DNAH6: variants seen among roughly 807,000 people sequenced by gnomAD.
DNAH6 encodes the protein axonemal beta dynein heavy chain 6.
A neutral mutation model predicts 491.4 loss-of-function variants in DNAH6; 340 were observed. The ratio of observed to expected loss-of-function variants is 0.69; its 90% CI spans 0.63 to 0.76. The LOEUF (loss-of-function observed/expected upper bound fraction) is 0.76. DNAH6 is among the 30% of genes least tolerant of loss of function. DNAH6 has a pLI of 0.00. For missense variants in DNAH6, 4,443 were observed against 4,972.2 expected (o/e 0.89, Z 3.20); for synonymous variants, 1,603 against 1,686.1 (o/e 0.95, Z 1.21).
the DNAH6 span, among the ~76,000 whole-genome samples, chr2:84,473,742 T>C: frequency 2.0e-5 from 3 of 152,226 alleles, no homozygotes; most frequent in Admixed American, 6.5e-5. Flanking sequence ...AATAGCACTT[T>C]GTTCTACCTT....
Position 84,625,008 on chromosome 2 carries a change from A to C in DNAH6, c.4460A>C (p.Lys1487Thr), listed in dbSNP as rs1052711401. 1 of 1,551,558 alleles carries C rather than the reference A, an allele frequency of 6.4e-7. No homozygotes were observed. Among genetic ancestry groups the C allele is most frequent in the Non-Finnish European group, 8.7e-7 (1 of 1,146,890 alleles). Residue 1487 changes from lysine (K) to threonine (T), a missense_variant, in exon 29 of 77, where the codon AAA becomes ACA. Coordinates refer to ENST00000389394, the MANE Select transcript of DNAH6 (RefSeq NM_001370.2). ...GKTETTKDLA[K>T]ALAIQCVVFN... ...ACAGAGACTACCAAAGATCTGGCAA[A>C]AGCTCTTGCCATCCAGTGTGTGGTC...
At chr2:84,488,824 C>T in the DNAH6 span, among the ~76,000 whole-genome samples, 3 of 152,148 alleles carry the variant, frequency 2.0e-5, no homozygotes, top group African/African-American at 7.2e-5. Flanking sequence ...ATTCTGTCTA[C>T]CATAGCAGGC....
rs768978981 is a variant in DNAH6 at position 84,706,912 on chromosome 2, C to T, written c.8744C>T (p.Thr2915Ile). ...LRAAQAELDI[T>I]MATLREKQAL... ...TTTTATTAGGCTGAACTTGACATTA[C>T]CATGGCTACCCTGAGAGAAAAGCAA... is the stretch of plus-strand genomic sequence containing the variant. Residue 2915 changes from threonine to isoleucine, a missense_variant, in exon 53 of 77, where the codon ACC becomes ATC. Around this residue, in one of 3 missense-constraint regions of DNAH6, gnomAD observed 1,463 missense variants for 1,656.6 expected, o/e 0.88. Transcript: ENST00000389394. 1 of 1,541,048 alleles carries T rather than the reference C, an allele frequency of 6.5e-7. No individual in the cohort carries two copies. The highest frequency in any genetic ancestry group is 1.2e-5 in the South Asian group (1 of 80,658).
chr2:84,805,908 A>G lies in DNAH6; in HGVS notation c.11611+114A>G, dbSNP rs1192369. ...TTATTATGTAGACTTTTTTTAACCT[A>G]AAGAGCTCTTTTGACATGGAGCTCT... On this transcript the variant is annotated intron_variant, in intron 71 of 76. Coordinates refer to ENST00000389394, the MANE Select transcript of DNAH6 (RefSeq NM_001370.2). The G allele has an allele frequency of 0.078, 70,704 of 903,342 alleles. 3,218 individuals are homozygous for G. The highest frequency in any genetic ancestry group is 0.089 in the Admixed American group (2,593 of 29,190). The allele number at this position is 903,342 out of a possible 1,614,324, so 56.0% of individuals were successfully genotyped here.
At chr2:84,620,808 T>C (rs1421822300) in intron 24 of DNAH6, among the ~76,000 whole-genome samples, 2 of 152,110 alleles carry the variant, frequency 1.3e-5, no homozygotes, top group African/African-American at 4.8e-5. Flanking sequence ...AGTCAAGCCA[T>C]TGGAAGTCCA....
At chr2:84,797,769 TA>T in intron 70 of DNAH6, 111 bp downstream of exon 70, 9 of 986,398 alleles carry the variant, frequency 9.1e-6, no homozygotes, top group African/African-American at 1.6e-5. Context: ...AATAAACAAA[TA>T]AAATAATTGT....
intron 21 of DNAH6, among the ~76,000 whole-genome samples, chr2:84,611,012 G>A (rs1686272198): frequency 6.6e-6 from 1 of 152,190 alleles, no homozygotes; most frequent in Admixed American, 6.5e-5. Context: ...CCCAAACCTA[G>A]AGTGGGAAGT....
intron 64 of DNAH6, among the ~76,000 whole-genome samples, chr2:84,770,682 A>G (rs972207431): frequency 6.6e-6 from 1 of 152,122 alleles, no homozygotes; most frequent in Non-Finnish European, 1.5e-5. Flanking sequence ...AGCAAAAATA[A>G]AAAAATACAA....
At chr2:84,485,228 G>A in the DNAH6 span, among the ~76,000 whole-genome samples, 1 of 152,268 alleles carries the variant, frequency 6.6e-6, no homozygotes, top group African/African-American at 2.4e-5. Flanking sequence ...GTATGTAGGT[G>A]CTGTACTCTT....
chr2:84,695,615 G>C (rs1431966641), intron 46 of DNAH6, among the ~76,000 whole-genome samples: 2 of 152,010 alleles, frequency 1.3e-5, no homozygotes, highest in African/African-American at 4.8e-5. Context: ...CCATATACTA[G>C]AGCACTGTGT....
intron 29 of DNAH6, among the ~76,000 whole-genome samples, chr2:84,631,940 T>C (rs1456967429): frequency 6.6e-6 from 1 of 152,184 alleles, no homozygotes; most frequent in African/African-American, 2.4e-5. Flanking sequence ...TGACAAGTCC[T>C]CCTAATATCC....
intron 41 of DNAH6, among the ~76,000 whole-genome samples, chr2:84,678,569 A>G (rs61315951): frequency 0.038 from 5,743 of 152,226 alleles, 126 homozygotes; most frequent in Middle Eastern, 0.092. Flanking sequence ...GTTCTTCATC[A>G]TTCCAAAATG....
chr2:84,544,708 T>C (rs1678606303), intron 5 of DNAH6, among the ~76,000 whole-genome samples: 1 of 152,170 alleles, frequency 6.6e-6, no homozygotes. Context: ...TGCAAAAGTA[T>C]AAGAAGAGAG....
intron 44 of DNAH6, among the ~76,000 whole-genome samples, chr2:84,687,706 C>T (rs898611966): frequency 2.6e-5 from 4 of 152,182 alleles, no homozygotes; most frequent in Non-Finnish European, 5.9e-5. Context: ...GGAGAAAGTG[C>T]CCCTGGGGCC....
At chr2:84,771,687 G>A (rs925529911) in intron 64 of DNAH6, among the ~76,000 whole-genome samples, 1 of 152,150 alleles carries the variant, frequency 6.6e-6, no homozygotes, top group African/African-American at 2.4e-5. Flanking sequence ...AGTGCTGTGG[G>A]GGAAAGAGGG....
At chr2:84,803,121 A>T (rs751455840) in intron 70 of DNAH6, among the ~76,000 whole-genome samples, 9 of 152,206 alleles carry the variant, frequency 5.9e-5, no homozygotes, top group Non-Finnish European at 8.8e-5. Flanking sequence ...TAATAGAAAG[A>T]CCTCAAATTA....
chr2:84,654,178 T>G (rs1690730647), intron 34 of DNAH6, among the ~76,000 whole-genome samples: 2 of 152,090 alleles, frequency 1.3e-5, no homozygotes, highest in African/African-American at 4.8e-5. Flanking sequence ...AAATGCATTT[T>G]AAATTAAAAA....
chr2:84,527,586 G>A (rs546482937), intron 3 of DNAH6, among the ~76,000 whole-genome samples: 13 of 152,214 alleles, frequency 8.5e-5, no homozygotes, highest in Non-Finnish European at 1.0e-4. Context: ...GAGATAAGGT[G>A]ATGTGTGTTT....
At chr2:84,586,702 G>C (rs550870545) in intron 15 of DNAH6, among the ~76,000 whole-genome samples, 1 of 152,102 alleles carries the variant, frequency 6.6e-6, no homozygotes, top group Non-Finnish European at 1.5e-5. Flanking sequence ...ACATTTTACA[G>C]AAAAGGAAAT....
Sources: allele counts gnomAD v4.1 joint callset (sites outside exome capture counted in the v4.1 genomes callset), GRCh38; gene constraint gnomAD v4.1.1; regional missense constraint gnomAD v4.1.1; transcripts MANE v1.5; gene names NCBI Gene and HGNC (gene_info 2026-07-23, HGNC 2026-07-21).